LRRC4C: variants seen among roughly 807,000 people sequenced by gnomAD.
LRRC4C encodes leucine rich repeat containing 4C, also known as leucine-rich repeat-containing protein 4C.
In LRRC4C, 5 loss-of-function variants were observed where a neutral mutation model predicts 33.6. The ratio of observed to expected loss-of-function variants is 0.15; its 90% confidence interval spans 0.08 to 0.31. The LOEUF is 0.31. Among genes scored for constraint, LRRC4C ranks in the 10% least tolerant of loss-of-function variants. The pLI is 1.00. For missense variants in LRRC4C, 560 were observed against 796.7 expected (o/e 0.70, Z 3.58); for synonymous variants, 329 against 302.0 (o/e 1.09, Z -0.93).
chr11:41,024,222 A>C (rs1412846221), intron 1 of LRRC4C, among the ~76,000 whole-genome samples: 1 of 151,768 alleles, frequency 6.6e-6, no homozygotes, highest in Non-Finnish European at 1.5e-5. Context: ...AGTGGGCAAG[A>C]ACAGGTATAT....
At chr11:40,118,884 A>G (rs1855627782) in intron 6 of LRRC4C, among the ~76,000 whole-genome samples, 1 of 152,186 alleles carries the variant, frequency 6.6e-6, no homozygotes, top group Non-Finnish European at 1.5e-5. Flanking sequence ...ATGAGAGGTT[A>G]ATATGGGGCA....
intron 3 of LRRC4C, among the ~76,000 whole-genome samples, chr11:40,467,015 A>G (rs1952684757): frequency 6.6e-6 from 1 of 152,140 alleles, no homozygotes; most frequent in Admixed American, 6.5e-5. Flanking sequence ...ATGAGTTTCA[A>G]TTTTCTTAAA....
chr11:41,117,584 A>G (rs1942202529), intron 1 of LRRC4C, among the ~76,000 whole-genome samples: 1 of 152,152 alleles, frequency 6.6e-6, no homozygotes, highest in Admixed American at 6.6e-5. Context: ...CATTATTTTT[A>G]CACTTCATTT....
At chr11:40,198,142 G>T (rs925220083) in intron 5 of LRRC4C, among the ~76,000 whole-genome samples, 3 of 152,122 alleles carry the variant, frequency 2.0e-5, no homozygotes, top group Admixed American at 6.6e-5. Context: ...AAATGAAGCA[G>T]GAAGAGAGAA....
chr11:40,954,148 A>T (rs1489361786), intron 1 of LRRC4C, among the ~76,000 whole-genome samples: 1 of 151,870 alleles, frequency 6.6e-6, no homozygotes, highest in Non-Finnish European at 1.5e-5. Context: ...TTGTTCCAGC[A>T]ATTGTTTAAG....
At position 40,786,038 on chromosome 11, in the gene LRRC4C, A is replaced by AT. The variant is rs1214963037; in HGVS notation, c.-406-137761dup. On this transcript the variant is annotated intron_variant, in intron 2 of 6. Coordinates refer to ENST00000528697, the MANE Select transcript of LRRC4C (RefSeq NM_001258419.2). ...TTGGTGTCCTATTTTCTTTCCCATC[A>AT]TTTTTCTTAAATGTTTCTAGTCTTT... is the stretch of plus-strand genomic sequence containing the variant. Among the ~76,000 whole-genome samples, 5 of 152,028 alleles carry AT rather than the reference A, an allele frequency of 3.3e-5. No homozygotes were observed. The East Asian group carries it at 9.7e-4, about 29-fold the overall frequency.
intron 2 of LRRC4C, among the ~76,000 whole-genome samples, chr11:40,750,474 A>C (rs1016316651): frequency 6.6e-6 from 1 of 151,990 alleles, no homozygotes; most frequent in African/African-American, 2.4e-5. Context: ...CTATGCAGCC[A>C]TAAAAAAGGA....
chr11:41,404,425 G>A (rs909870406), intron 1 of LRRC4C, among the ~76,000 whole-genome samples: 26 of 151,420 alleles, frequency 1.7e-4, no homozygotes, highest in African/African-American at 6.1e-4. Context: ...AACTGGTCTG[G>A]GCAGCATCAG....
chr11:40,604,616 C>T (rs900697504), intron 3 of LRRC4C, among the ~76,000 whole-genome samples: 1 of 151,788 alleles, frequency 6.6e-6, no homozygotes, highest in Non-Finnish European at 1.5e-5. Context: ...AGAGGACGTA[C>T]AAAATAATAA....
At chr11:40,587,461 C>A (rs889357969) in intron 3 of LRRC4C, among the ~76,000 whole-genome samples, 1 of 146,264 alleles carries the variant, frequency 6.8e-6, no homozygotes, top group Non-Finnish European at 1.5e-5. Context: ...ATTGAATACC[C>A]TTTATTTCCT....
intron 1 of LRRC4C, among the ~76,000 whole-genome samples, chr11:40,973,471 G>T (rs79195676): frequency 0.016 from 2,385 of 152,212 alleles, 62 homozygotes; most frequent in African/African-American, 0.055. Flanking sequence ...TGATTTATTT[G>T]ATCAACTAGT....
chr11:40,973,946 T>C (rs1851904271), intron 1 of LRRC4C, among the ~76,000 whole-genome samples: 1 of 152,110 alleles, frequency 6.6e-6, no homozygotes, highest in South Asian at 2.1e-4. Context: ...TCCTTGGTGG[T>C]CTCTAAGTCA....
At chr11:40,733,371 G>T (rs547419052) in intron 2 of LRRC4C, among the ~76,000 whole-genome samples, 1 of 151,890 alleles carries the variant, frequency 6.6e-6, no homozygotes, top group African/African-American at 2.4e-5. Flanking sequence ...CACGGTGCCC[G>T]CCTGAATATA....
At chr11:41,343,366 G>GAAAACAAAAC (rs58062144) in intron 1 of LRRC4C, among the ~76,000 whole-genome samples, 45 of 151,502 alleles carry the variant, frequency 3.0e-4, no homozygotes, top group African/African-American at 9.0e-4. Flanking sequence ...TGATTAAAGA[G>GAAAACAAAAC]AAAACAAAAC....
chr11:41,326,583 A>T (rs1868028), intron 1 of LRRC4C, among the ~76,000 whole-genome samples: 96,860 of 152,036 alleles, frequency 0.64, 31,343 homozygotes, highest in East Asian at 0.8. Context: ...TAAAAAATTT[A>T]AAAATGCTTT....
At chr11:40,122,757 C>T (rs1454266649) in intron 6 of LRRC4C, among the ~76,000 whole-genome samples, 1 of 126,650 alleles carries the variant, frequency 7.9e-6, no homozygotes, top group Admixed American at 8.5e-5. Context: ...TATCTTCACC[C>T]TCCCCCCACC....
chr11:40,322,641 T>C (rs998820671), intron 3 of LRRC4C, among the ~76,000 whole-genome samples: 12 of 152,118 alleles, frequency 7.9e-5, no homozygotes, highest in African/African-American at 2.9e-4. Flanking sequence ...AGTCAGACAA[T>C]CTAAGGTCAG....
intron 3 of LRRC4C, among the ~76,000 whole-genome samples, chr11:40,560,741 T>G (rs1957516648): frequency 6.6e-6 from 1 of 152,214 alleles, no homozygotes; most frequent in Admixed American, 6.5e-5. Flanking sequence ...ATGATCATTC[T>G]AATCTGATCT....
chr11:40,517,085 A>G (rs777441948), intron 3 of LRRC4C, among the ~76,000 whole-genome samples: 1 of 152,198 alleles, frequency 6.6e-6, no homozygotes, highest in Non-Finnish European at 1.5e-5. Context: ...AAGCAAGATT[A>G]AAGTCTCAAA....
Sources: gnomAD v4.1 joint callset for allele counts (sites outside exome capture counted in the v4.1 genomes callset) on GRCh38, gnomAD v4.1.1 for gene constraint, MANE v1.5 for transcripts, NCBI Gene and HGNC (gene_info 2026-07-23, HGNC 2026-07-21) for gene names.